TCEANC2: variants seen among roughly 807,000 people sequenced by gnomAD.
TCEANC2 encodes transcription elongation factor A N-terminal and central domain-containing protein 2.
Under a neutral mutation model 22.8 loss-of-function variants are expected in TCEANC2, and 20 were observed. The ratio of observed to expected loss-of-function variants is 0.88; its 90% CI spans 0.62 to 1.28. TCEANC2 has a LOEUF of 1.28. Among genes scored for constraint, TCEANC2 ranks in the 50% most tolerant of loss-of-function variants. The pLI is 0.00. For synonymous variants in TCEANC2, 84 were observed against 95.5 expected, an observed-to-expected ratio of 0.88 and a Z score of 0.70; for missense variants, 251 against 249.7, an observed-to-expected ratio of 1.01 and a Z score of -0.03.
At chr1:54,060,934 C>T (rs1013924787) in intron 2 of TCEANC2, among the ~76,000 whole-genome samples, 6 of 150,416 alleles carry the variant, frequency 4.0e-5, no homozygotes, top group Admixed American at 2.0e-4. Flanking sequence ...GGTGACAGAG[C>T]GAGACTCTGT....
downstream of TCEANC2, among the ~76,000 whole-genome samples, chr1:54,108,876 G>A (rs1307106570): frequency 6.6e-6 from 1 of 152,168 alleles, no homozygotes; most frequent in Non-Finnish European, 1.5e-5. Context: ...GGAGGCTGAG[G>A]CAGGAGAATG....
intron 2 of TCEANC2, among the ~76,000 whole-genome samples, chr1:54,057,916 C>A (rs1413231460): frequency 6.6e-6 from 1 of 152,130 alleles, no homozygotes; most frequent in Admixed American, 6.5e-5. Flanking sequence ...GTCCTGTTTG[C>A]CTGGAATTCC....
At chr1:54,093,833 C>CA (rs879716828) in intron 4 of TCEANC2, among the ~76,000 whole-genome samples, 76 of 140,458 alleles carry the variant, frequency 5.4e-4, no homozygotes, top group Non-Finnish European at 6.2e-4. Flanking sequence ...CGACTCCCCT[C>CA]AAAAAAAAAA....
intron 3 of TCEANC2, among the ~76,000 whole-genome samples, chr1:54,070,609 A>G (rs1658037796): frequency 6.6e-6 from 1 of 152,130 alleles, no homozygotes; most frequent in Non-Finnish European, 1.5e-5. Context: ...CTCTATCCCA[A>G]GCCTCCCCTA....
At chr1:54,110,117 T>C (rs1441054809), downstream of TCEANC2, among the ~76,000 whole-genome samples, 1 of 152,174 alleles carries the variant, frequency 6.6e-6, no homozygotes, top group African/African-American at 2.4e-5. Flanking sequence ...CTGTGCTGGG[T>C]ACTCTGCAGT....
chr1:54,094,193 C>A (rs966949005), intron 4 of TCEANC2, among the ~76,000 whole-genome samples: 1 of 152,106 alleles, frequency 6.6e-6, no homozygotes, highest in South Asian at 2.1e-4. Flanking sequence ...CCTGGATATT[C>A]ACTCTCTCTC....
At position 54,105,861 on chromosome 1, in the gene TCEANC2, C is replaced by G. The variant is rs540713432; in HGVS notation, c.*9388C>G. The G allele has an allele frequency of 2.0e-5, 3 of 152,048 alleles. No individual in the cohort carries two copies. Among genetic ancestry groups the G allele is most frequent in the African/African-American group, 7.2e-5 (3 of 41,380 alleles). 9.4% of individuals were successfully genotyped at this position (152,048 alleles called of 1,614,324 possible). On this transcript the variant is annotated 3_prime_UTR_variant, in exon 5 of 5. Coordinates refer to ENST00000234827, the MANE Select transcript of TCEANC2 (RefSeq NM_153035.3). ...GTCTTGATCTCTTGACCTCGTGATCCGCGCTCCTCGGCCTCCCAAAGTGCT... is the reference window on the plus strand; with the variant it reads ...GTCTTGATCTCTTGACCTCGTGATCGGCGCTCCTCGGCCTCCCAAAGTGCT...
chr1:54,076,971 T>C (rs1365454660), intron 3 of TCEANC2, among the ~76,000 whole-genome samples: 2 of 149,440 alleles, frequency 1.3e-5, no homozygotes, highest in African/African-American at 2.5e-5. Context: ...GTAGGCCTCA[T>C]TGAGAGATGA....
At chr1:54,081,265 T>G (rs939715323) in intron 3 of TCEANC2, among the ~76,000 whole-genome samples, 1 of 152,292 alleles carries the variant, frequency 6.6e-6, no homozygotes. Flanking sequence ...GGTCTTACTC[T>G]ATCATCCAGG....
chr1:54,094,123 A>G (rs749930137), intron 4 of TCEANC2, among the ~76,000 whole-genome samples: 14 of 152,324 alleles, frequency 9.2e-5, no homozygotes, highest in Non-Finnish European at 1.6e-4. Flanking sequence ...TCTGTCTGTC[A>G]TTAGGACCAC....
intron 3 of TCEANC2, among the ~76,000 whole-genome samples, chr1:54,072,213 C>T (rs986575187): frequency 3.3e-5 from 5 of 151,972 alleles, no homozygotes; most frequent in Non-Finnish European, 7.4e-5. Context: ...TTCTTCATAC[C>T]CTTTAGTTTA....
At position 54,088,773 on chromosome 1, in the gene TCEANC2, G is replaced by A; in HGVS notation, c.421G>A (p.Glu141Lys). 6.3e-7 allele frequency: 1 copy of A among 1,587,206 alleles called. No individual in the cohort carries two copies. Among genetic ancestry groups the A allele is most frequent in the South Asian group, 1.1e-5 (1 of 87,078 alleles). ...GAAAAATGCTCAGAAATTACTCTCA[G>A]AAGCCTTGGAATTAAAGGTAATGCC... The part of the protein sequence containing the change: ...LRKNAQKLLS[E>K]ALELKMDHLL... The change falls in exon 4 of 5, where the codon GAA (glutamate) becomes AAA (lysine). Residue 141 changes from glutamate to lysine, a missense_variant. By Grantham distance (56) the Glu-to-Lys change is moderately conservative. Coordinates refer to ENST00000234827, the MANE Select transcript of TCEANC2 (RefSeq NM_153035.3).
Position 54,103,208 on chromosome 1 carries a change from A to G in TCEANC2, c.*6735A>G, listed in dbSNP as rs1358882861. The G allele has an allele frequency of 6.6e-6, 1 of 152,286 alleles. No individual in the cohort carries two copies. The highest frequency in any genetic ancestry group is 1.5e-5 in the Non-Finnish European group (1 of 68,098). 9.4% of individuals were successfully genotyped at this position (152,286 alleles called of 1,614,324 possible). A position where few individuals can be genotyped will look rare whatever the true frequency, so the allele number is the denominator to read the frequency against. On this transcript the variant is annotated 3_prime_UTR_variant, in exon 5 of 5. Transcript: ENST00000234827. Reference sequence around the variant, plus strand: ...CCCAGAGCTGACACAATGGGTGTATAAACAGCAACCATGGTGGTGTAGTAG... The same window carrying G: ...CCCAGAGCTGACACAATGGGTGTATGAACAGCAACCATGGTGGTGTAGTAG...
At chr1:54,079,903 T>G (rs1287591728) in intron 3 of TCEANC2, among the ~76,000 whole-genome samples, 1 of 152,202 alleles carries the variant, frequency 6.6e-6, no homozygotes, top group African/African-American at 2.4e-5. Flanking sequence ...GTGTTATTCC[T>G]GTCTCCTTGA....
intron 2 of TCEANC2, among the ~76,000 whole-genome samples, chr1:54,067,125 A>G (rs1657972274): frequency 6.6e-6 from 1 of 152,262 alleles, no homozygotes; most frequent in Non-Finnish European, 1.5e-5. Context: ...TCTGCCTAGG[A>G]AAGTCTAAAG....
At chr1:54,058,760 G>A (rs1318322821) in intron 2 of TCEANC2, among the ~76,000 whole-genome samples, 3 of 152,130 alleles carry the variant, frequency 2.0e-5, no homozygotes, top group African/African-American at 7.2e-5. Context: ...GGGTTGAAGC[G>A]ATTCTCCTGC....
intron 4 of TCEANC2, among the ~76,000 whole-genome samples, chr1:54,089,344 A>AG (rs544922845): frequency 1.6e-4 from 25 of 152,332 alleles, no homozygotes; most frequent in African/African-American, 4.8e-4. Context: ...GAAAAGACTC[A>AG]GATCCCCCAT....
At chr1:54,092,367 A>T (rs898493127) in intron 4 of TCEANC2, among the ~76,000 whole-genome samples, 2 of 152,182 alleles carry the variant, frequency 1.3e-5, no homozygotes, top group African/African-American at 4.8e-5. Context: ...GTTAAATCTG[A>T]TGGGGGAATC....
intron 3 of TCEANC2, among the ~76,000 whole-genome samples, chr1:54,079,571 T>C (rs1170387732): frequency 6.6e-6 from 1 of 152,158 alleles, no homozygotes; most frequent in Non-Finnish European, 1.5e-5. Context: ...ATCTCCTTCC[T>C]CCATCTTCAA....
Sources: gnomAD v4.1 joint callset for allele counts (sites outside exome capture counted in the v4.1 genomes callset) on GRCh38, gnomAD v4.1.1 for gene constraint, MANE v1.5 for transcripts, NCBI Gene and HGNC (gene_info 2026-07-23, HGNC 2026-07-21) for gene names.